The following PCDH9 variants were observed in gnomAD, a reference collection of about 807,000 sequenced individuals.
PCDH9 encodes protocadherin-9.
PCDH9 carries 24 observed loss-of-function variants against 70.6 expected under a neutral mutation model. The ratio of observed to expected loss-of-function variants is 0.34; its 90% CI spans 0.25 to 0.48. The LOEUF (loss-of-function observed/expected upper bound fraction) is 0.48. PCDH9 is among the 20% of genes least tolerant of loss of function. PCDH9 has a pLI of 0.99. For synonymous variants in PCDH9, 562 were observed against 558.5 expected, an observed-to-expected ratio of 1.01 and a Z score of -0.09; for missense variants, 1,281 against 1,503.6, an observed-to-expected ratio of 0.85 and a Z score of 2.45.
At chr13:66,765,397 C>T (rs1407308682) in intron 3 of PCDH9, among the ~76,000 whole-genome samples, 1 of 151,928 alleles carries the variant, frequency 6.6e-6, no homozygotes, top group Non-Finnish European at 1.5e-5. Context: ...ATGTCTTATA[C>T]TTTGGAGTAT....
At chr13:66,713,693 T>G (rs2078830297) in intron 3 of PCDH9, among the ~76,000 whole-genome samples, 1 of 146,550 alleles carries the variant, frequency 6.8e-6, no homozygotes, top group African/African-American at 2.5e-5. Flanking sequence ...ACAACACAGG[T>G]TTGAATTGCA....
At chr13:67,115,323 C>T (rs1665434558) in intron 2 of PCDH9, among the ~76,000 whole-genome samples, 1 of 152,160 alleles carries the variant, frequency 6.6e-6, no homozygotes. Flanking sequence ...CAGCAGGCCT[C>T]GCACCTTGAG....
intron 2 of PCDH9, among the ~76,000 whole-genome samples, chr13:67,196,100 A>G (rs1379135596): frequency 1.3e-5 from 2 of 152,208 alleles, no homozygotes; most frequent in African/African-American, 4.8e-5. Flanking sequence ...CTCTATGGAT[A>G]CATCACTTAA....
chr13:67,111,975 T>G (rs2086667237), intron 2 of PCDH9, among the ~76,000 whole-genome samples: 2 of 152,210 alleles, frequency 1.3e-5, no homozygotes, highest in Non-Finnish European at 2.9e-5. Flanking sequence ...ATTAGTTATG[T>G]CATGTCACAG....
chr13:66,872,428 G>C (rs2081710839), intron 3 of PCDH9, among the ~76,000 whole-genome samples: 1 of 151,780 alleles, frequency 6.6e-6, no homozygotes, highest in South Asian at 2.1e-4. Flanking sequence ...CATGTCTTCA[G>C]CACACATCTA....
chr13:67,099,474 T>C (rs551228603), intron 2 of PCDH9, among the ~76,000 whole-genome samples: 16 of 152,232 alleles, frequency 1.1e-4, no homozygotes, highest in African/African-American at 3.9e-4. Context: ...CTTAAGGGAG[T>C]GTACCACAGT....
chr13:67,015,672 T>C (rs2084546804), intron 2 of PCDH9, among the ~76,000 whole-genome samples: 1 of 152,178 alleles, frequency 6.6e-6, no homozygotes, highest in African/African-American at 2.4e-5. Flanking sequence ...TTAAAAACTT[T>C]GATGATTCTC....
chr13:67,109,406 C>T (rs1306401274), intron 2 of PCDH9, among the ~76,000 whole-genome samples: 4 of 152,124 alleles, frequency 2.6e-5, no homozygotes, highest in Non-Finnish European at 4.4e-5. Flanking sequence ...ATAATGTAGC[C>T]TAATCACGTA....
chr13:66,847,458 G>A (rs781648957), intron 3 of PCDH9, among the ~76,000 whole-genome samples: 1 of 152,048 alleles, frequency 6.6e-6, no homozygotes, highest in African/African-American at 2.4e-5. Context: ...TTATAAGTTA[G>A]GCACAGTAAG....
intron 2 of PCDH9, among the ~76,000 whole-genome samples, chr13:67,023,707 A>G (rs1440171043): frequency 6.6e-6 from 1 of 152,190 alleles, no homozygotes; most frequent in African/African-American, 2.4e-5. Context: ...GAGACTTGCA[A>G]TGGCTAACCA....
At position 66,503,120 on chromosome 13, in the gene PCDH9, C is replaced by T. The variant is rs564133008; in HGVS notation, c.3340+128090G>A. Among the ~76,000 whole-genome samples, 12 of 152,306 alleles carry T rather than the reference C, an allele frequency of 7.9e-5. 3 individuals are homozygous for T. Among genetic ancestry groups the T allele is most frequent in the African/African-American group, 2.9e-4 (12 of 41,574 alleles). ...AGAACCAGTCAATACTTTCCCCAAA[C>T]ATGCTTATTATCTACAATGTGTAAT... On this transcript the variant is annotated intron_variant, in intron 4 of 4. Transcript: ENST00000377865.
chr13:66,679,843 T>C (rs1225113811), intron 3 of PCDH9, among the ~76,000 whole-genome samples: 1 of 151,942 alleles, frequency 6.6e-6, no homozygotes, highest in Non-Finnish European at 1.5e-5. Flanking sequence ...ACCTGATATA[T>C]GGCAATGTCC....
intron 3 of PCDH9, among the ~76,000 whole-genome samples, chr13:66,822,087 ATTC>A (rs944831212): frequency 6.6e-6 from 1 of 151,888 alleles, no homozygotes; most frequent in African/African-American, 2.4e-5. Context: ...TTGACTTTCC[ATTC>A]TTCAAGAGTT....
At chr13:67,219,013 A>G (rs2089668308) in intron 2 of PCDH9, 1 of 152,062 alleles carries the variant, frequency 6.6e-6, no homozygotes, top group Admixed American at 6.6e-5. Flanking sequence ...AATGACTTTG[A>G]GTTCTGCATT....
intron 4 of PCDH9, among the ~76,000 whole-genome samples, chr13:66,330,652 T>A (rs901035560): frequency 6.6e-6 from 1 of 151,916 alleles, no homozygotes; most frequent in African/African-American, 2.4e-5. Flanking sequence ...AAAAAAAAAT[T>A]ATTTAAATTT....
chr13:66,776,513 T>A (rs1365596274), intron 3 of PCDH9, among the ~76,000 whole-genome samples: 1 of 151,366 alleles, frequency 6.6e-6, no homozygotes, highest in Admixed American at 6.6e-5. Flanking sequence ...AAATCATGAG[T>A]GAACTCCCAT....
At chr13:66,993,325 T>A (rs1190001114) in intron 2 of PCDH9, among the ~76,000 whole-genome samples, 2 of 152,228 alleles carry the variant, frequency 1.3e-5, no homozygotes, top group Non-Finnish European at 2.9e-5. Flanking sequence ...ATACTGAATA[T>A]GAAAACGTGA....
intron 3 of PCDH9, among the ~76,000 whole-genome samples, chr13:66,715,923 A>G (rs1251257950): frequency 6.6e-6 from 1 of 152,210 alleles, no homozygotes; most frequent in Non-Finnish European, 1.5e-5. Flanking sequence ...GGGTCTTTGG[A>G]ATCTTTAAAA....
intron 2 of PCDH9, among the ~76,000 whole-genome samples, chr13:67,082,168 A>T (rs2085997825): frequency 6.6e-6 from 1 of 152,210 alleles, no homozygotes; most frequent in Non-Finnish European, 1.5e-5. Context: ...ATTGTTAGCT[A>T]TAGGCAATAC....
Sources: allele counts gnomAD v4.1 joint callset (sites outside exome capture counted in the v4.1 genomes callset), GRCh38; gene constraint gnomAD v4.1.1; transcripts MANE v1.5; gene names NCBI Gene and HGNC (gene_info 2026-07-23, HGNC 2026-07-21).